SLC35F4: variants seen among roughly 807,000 people sequenced by gnomAD.
The protein encoded by SLC35F4 is chromosome 14 open reading frame 36.
Under a neutral mutation model 44.2 loss-of-function variants are expected in SLC35F4, and 24 were observed. The ratio of observed to expected loss-of-function variants is 0.54; its 90% confidence interval spans 0.39 to 0.76. The LOEUF is 0.76. SLC35F4 is among the 30% of genes least tolerant of loss of function. SLC35F4 has a pLI of 0.00. For missense variants in SLC35F4, 562 were observed against 586.1 expected, an observed-to-expected ratio of 0.96 and a Z score of 0.42; for synonymous variants, 238 against 223.6, an observed-to-expected ratio of 1.06 and a Z score of -0.57.
intron 1 of SLC35F4, among the ~76,000 whole-genome samples, chr14:57,960,591 T>C (rs564096854): frequency 5.0e-4 from 76 of 152,266 alleles, no homozygotes; most frequent in Middle Eastern, 6.8e-3. Context: ...AGGCCTTGGA[T>C]TGTGCTGCCA....
At position 57,669,908 on chromosome 14, in the gene SLC35F4, C is replaced by A. The variant is rs541365014; in HGVS notation, c.104-75784G>T. The stretch of plus-strand genomic sequence containing the variant: ...TGGAATAGTTTCAGAAGGAATGGTA[C>A]CAGCTCCTCCTTATACCTCTGGTAG... On this transcript the variant is annotated intron_variant, in intron 1 of 7. Transcript: ENST00000556826. 1.2e-4 allele frequency among the ~76,000 whole-genome samples: 19 copies of A among 152,152 alleles called. No homozygotes were observed. The South Asian group carries it at 3.1e-3, about 25-fold the overall frequency.
intron 7 of SLC35F4, among the ~76,000 whole-genome samples, chr14:57,565,289 C>T (rs1012625998): frequency 1.3e-5 from 2 of 152,196 alleles, no homozygotes; most frequent in African/African-American, 4.8e-5. Context: ...TTCTTTTTAG[C>T]ATGAGCTACC....
chr14:57,602,246 G>T (rs796443388), intron 1 of SLC35F4, among the ~76,000 whole-genome samples: 45 of 152,250 alleles, frequency 3.0e-4, no homozygotes, highest in African/African-American at 1.1e-3. Flanking sequence ...TAGGAGGAGA[G>T]CCTAGGGCAG....
intron 1 of SLC35F4, among the ~76,000 whole-genome samples, chr14:57,783,273 A>G (rs1050100355): frequency 8.5e-5 from 13 of 152,114 alleles, no homozygotes; most frequent in Admixed American, 2.0e-4. Flanking sequence ...AATTTTTTAA[A>G]ATATCAAGCA....
chr14:57,960,396 C>T (rs1360876141), intron 1 of SLC35F4, among the ~76,000 whole-genome samples: 3 of 152,244 alleles, frequency 2.0e-5, no homozygotes, highest in Non-Finnish European at 2.9e-5. Context: ...TCCCCTCCCC[C>T]TTCCAGGGGA....
intron 1 of SLC35F4, among the ~76,000 whole-genome samples, chr14:57,626,765 A>G (rs2072496909): frequency 1.3e-5 from 2 of 152,186 alleles, no homozygotes. Flanking sequence ...AATCAATCAT[A>G]TTCATACTAA....
At chr14:57,850,267 A>G (rs973085870) in intron 1 of SLC35F4, among the ~76,000 whole-genome samples, 1 of 152,242 alleles carries the variant, frequency 6.6e-6, no homozygotes, top group Non-Finnish European at 1.5e-5. Context: ...AGTTTTGCAC[A>G]TTAATATGAC....
chr14:57,613,424 C>G (rs1246832403), intron 1 of SLC35F4, among the ~76,000 whole-genome samples: 1 of 152,144 alleles, frequency 6.6e-6, no homozygotes, highest in Non-Finnish European at 1.5e-5. Context: ...GGTCTGTGCT[C>G]CTATGTCCCC....
chr14:57,622,482 T>C (rs958790194), intron 1 of SLC35F4, among the ~76,000 whole-genome samples: 2 of 148,910 alleles, frequency 1.3e-5, no homozygotes, highest in African/African-American at 5.0e-5. Flanking sequence ...TGGAATACTA[T>C]GCAGCCATAA....
At chr14:57,752,267 G>A (rs1380228696) in intron 1 of SLC35F4, among the ~76,000 whole-genome samples, 1 of 152,042 alleles carries the variant, frequency 6.6e-6, no homozygotes, top group Non-Finnish European at 1.5e-5. Context: ...CCCAACTTAA[G>A]AGTTCACTTG....
chr14:57,845,895 C>G (rs540531480), intron 1 of SLC35F4, among the ~76,000 whole-genome samples: 63 of 152,260 alleles, frequency 4.1e-4, no homozygotes, highest in African/African-American at 1.4e-3. Flanking sequence ...TCCTGGGAGA[C>G]AGCCCTACAC....
At chr14:57,571,088 A>T (rs1178690453) in intron 5 of SLC35F4, among the ~76,000 whole-genome samples, 1 of 152,316 alleles carries the variant, frequency 6.6e-6, no homozygotes, top group Non-Finnish European at 1.5e-5. Flanking sequence ...AGGAGGGACG[A>T]AAAGGGTATT....
chr14:57,907,156 A>T (rs185009150), intron 1 of SLC35F4, among the ~76,000 whole-genome samples: 72 of 152,342 alleles, frequency 4.7e-4, no homozygotes, highest in African/African-American at 1.7e-3. Context: ...GTGCAATCAT[A>T]GCTCACTGCA....
exon 2 of SLC35F4, chr14:57,976,863 C>T (rs8014590): frequency 0.36 from 54,535 of 152,148 alleles, 10,357 homozygotes; most frequent in African/African-American, 0.5. Flanking sequence ...TGAGGGTTCT[C>T]TCTCACAGTA....
chr14:57,967,153 C>G (rs1378537797), intron 1 of SLC35F4, among the ~76,000 whole-genome samples: 1 of 152,112 alleles, frequency 6.6e-6, no homozygotes, highest in Non-Finnish European at 1.5e-5. Context: ...TTGACTTTAT[C>G]ATTTTAATTA....
intron 1 of SLC35F4, among the ~76,000 whole-genome samples, chr14:57,957,381 T>A (rs776191951): frequency 7.9e-5 from 12 of 151,110 alleles, no homozygotes; most frequent in Non-Finnish European, 1.8e-4. Context: ...GGCACGTGTA[T>A]AACTAGGTAA....
chr14:57,565,090 GAAT>G (rs1260497651), intron 7 of SLC35F4, among the ~76,000 whole-genome samples: 2 of 152,180 alleles, frequency 1.3e-5, no homozygotes, highest in African/African-American at 4.8e-5. Context: ...TCTTATGGCT[GAAT>G]AATATTTCAC....
intron 1 of SLC35F4, among the ~76,000 whole-genome samples, chr14:57,889,315 G>A (rs952736419): frequency 3.3e-5 from 5 of 152,218 alleles, no homozygotes; most frequent in African/African-American, 9.7e-5. Context: ...GCAAAGTGAC[G>A]GGGAAGCACG....
At chr14:57,589,577 C>G in intron 2 of SLC35F4, 64 bp from the exon 3 acceptor site, 2 of 1,451,892 alleles carry the variant, frequency 1.4e-6, no homozygotes, top group Non-Finnish European at 1.8e-6. Context: ...TCAAATATAT[C>G]AGCTCCTTAA....
Sources: allele counts gnomAD v4.1 joint callset (sites outside exome capture counted in the v4.1 genomes callset), GRCh38; gene constraint gnomAD v4.1.1; transcripts MANE v1.5; gene names NCBI Gene and HGNC (gene_info 2026-07-23, HGNC 2026-07-21).